Variants in HPSE2 observed in about 807,000 individuals in gnomAD.
HPSE2 encodes inactive heparanase-2.
A neutral mutation model predicts 60.5 loss-of-function variants in HPSE2; 38 were observed. The observed-to-expected ratio is 0.63, with a 90% confidence interval of 0.48 to 0.82. HPSE2 has a LOEUF of 0.82. Ranked by LOEUF, HPSE2 falls within the 40% of genes least tolerant of loss-of-function variation. The probability of loss-of-function intolerance (pLI) is 0.00; values close to 1 mark genes in which losing one functional copy is unlikely to be tolerated. For missense variants in HPSE2, 713 were observed against 740.4 expected, an observed-to-expected ratio of 0.96 and a Z score of 0.43; for synonymous variants, 295 against 293.2, an observed-to-expected ratio of 1.01 and a Z score of -0.06.
intron 9 of HPSE2, among the ~76,000 whole-genome samples, chr10:98,606,468 A>G (rs959094399): frequency 6.6e-6 from 1 of 152,238 alleles, no homozygotes; most frequent in African/African-American, 2.4e-5. Context: ...GGTGACTATA[A>G]TGTTCAGCCA....
chr10:98,702,318 T>C (rs567312177), intron 5 of HPSE2, among the ~76,000 whole-genome samples: 1 of 152,266 alleles, frequency 6.6e-6, no homozygotes, highest in African/African-American at 2.4e-5. Context: ...ATACAAGTTC[T>C]TAGAGACCTA....
intron 6 of HPSE2, among the ~76,000 whole-genome samples, chr10:98,674,217 A>C (rs1947578652): frequency 6.6e-6 from 1 of 152,258 alleles, no homozygotes; most frequent in African/African-American, 2.4e-5. Flanking sequence ...AGTATACTAC[A>C]CAAAACACTA....
At position 98,607,445 on chromosome 10, in the gene HPSE2, C is replaced by G. The variant is rs75687441; in HGVS notation, c.1320+7459G>C. 2.8e-3 allele frequency among the ~76,000 whole-genome samples: 422 copies of G among 152,258 alleles called. 1 individual carries two copies. Among genetic ancestry groups the G allele is most frequent in the African/African-American group, 9.8e-3 (406 of 41,538 alleles). Reference sequence around the variant, plus strand: ...TGTGCTGTCATTAGCACTTTGATGTCACATATCATGGTTTCCAGGGCTTAT... The same window carrying G: ...TGTGCTGTCATTAGCACTTTGATGTGACATATCATGGTTTCCAGGGCTTAT... On this transcript the variant is annotated intron_variant, in intron 9 of 11. Transcript: ENST00000370552.
intron 3 of HPSE2, among the ~76,000 whole-genome samples, chr10:99,101,493 T>G (rs1226081278): frequency 2.0e-5 from 3 of 152,066 alleles, no homozygotes; most frequent in African/African-American, 7.2e-5. Flanking sequence ...ACAAAGCAAG[T>G]CCTTAGAGAC....
At chr10:99,184,863 G>GAGAGAGAGAGAGAC (rs796284708) in intron 2 of HPSE2, among the ~76,000 whole-genome samples, 1 of 106,490 alleles carries the variant, frequency 9.4e-6, no homozygotes, top group East Asian at 3.3e-4. Flanking sequence ...GAGAGAGAGA[G>GAGAGAGAGAGAGAC]ACAGAAACAC....
chr10:98,788,435 G>GAGGC (rs1319867560), intron 3 of HPSE2, among the ~76,000 whole-genome samples: 1 of 122,002 alleles, frequency 8.2e-6, no homozygotes, highest in Non-Finnish European at 1.8e-5. Context: ...GGAGCCTACA[G>GAGGC]AGGCAGGCAG....
At chr10:98,696,099 A>G (rs574525997) in intron 5 of HPSE2, among the ~76,000 whole-genome samples, 8 of 152,142 alleles carry the variant, frequency 5.3e-5, no homozygotes, top group Non-Finnish European at 5.9e-5. Flanking sequence ...CCTCCTTCTC[A>G]GATATTCCAA....
chr10:98,970,153 G>T (rs1955915721), intron 3 of HPSE2, among the ~76,000 whole-genome samples: 1 of 152,062 alleles, frequency 6.6e-6, no homozygotes, highest in Admixed American at 6.5e-5. Context: ...GTAGAGATGG[G>T]GTTTCACCAC....
chr10:98,666,408 T>C (rs1947363401), intron 6 of HPSE2, among the ~76,000 whole-genome samples: 2 of 152,152 alleles, frequency 1.3e-5, no homozygotes, highest in Non-Finnish European at 2.9e-5. Context: ...AGTCTAGACT[T>C]ACATGCAATT....
At chr10:99,041,576 G>T (rs1298168965) in intron 3 of HPSE2, among the ~76,000 whole-genome samples, 1 of 152,116 alleles carries the variant, frequency 6.6e-6, no homozygotes, top group Non-Finnish European at 1.5e-5. Flanking sequence ...TTGGACTCCT[G>T]AACACCCCAG....
At chr10:98,872,205 G>A (rs924507040) in intron 3 of HPSE2, among the ~76,000 whole-genome samples, 1 of 151,996 alleles carries the variant, frequency 6.6e-6, no homozygotes, top group Non-Finnish European at 1.5e-5. Flanking sequence ...CCCTCACTAA[G>A]AAATGGAATA....
At chr10:99,186,068 C>A (rs898080137) in intron 2 of HPSE2, among the ~76,000 whole-genome samples, 4 of 136,216 alleles carry the variant, frequency 2.9e-5, no homozygotes, top group African/African-American at 1.1e-4. Flanking sequence ...ATGGCCAGAT[C>A]CAATAAACAC....
chr10:98,804,434 G>GA (rs1382807899), intron 3 of HPSE2, among the ~76,000 whole-genome samples: 1 of 151,734 alleles, frequency 6.6e-6, no homozygotes, highest in African/African-American at 2.4e-5. Flanking sequence ...AACTCTACAG[G>GA]AAAAAATCTA....
At chr10:98,752,958 A>G (rs1397111636) in intron 3 of HPSE2, among the ~76,000 whole-genome samples, 1 of 152,222 alleles carries the variant, frequency 6.6e-6, no homozygotes, top group Non-Finnish European at 1.5e-5. Flanking sequence ...CAAATACTGC[A>G]TGATTTTACT....
At position 98,743,940 on chromosome 10, in the gene HPSE2, T is replaced by A. The variant is rs188784527; in HGVS notation, c.727A>T (p.Ser243Cys). Residue 243 changes from serine (S) to cysteine (C), a missense_variant, in exon 4 of 12, where the codon AGT becomes TGT. Transcript: ENST00000370552. ...TTGCTGGCGCTGTACTTCAACAGACTCAGGGCACTAGAACTGTTCCAGGAG... is the reference window on the plus strand; with the variant it reads ...TTGCTGGCGCTGTACTTCAACAGACACAGGGCACTAGAACTGTTCCAGGAG... ...NNSWNSSSAL[S>C]LLKYSASKKY... is the part of the protein sequence containing the mutation. 206 of 1,614,086 alleles carry A rather than the reference T, an allele frequency of 1.3e-4. 1 individual carries two copies. In the East Asian group the frequency reaches 3.7e-3, roughly 29 times the overall value.
At chr10:99,271,170 C>A in the HPSE2 span, among the ~76,000 whole-genome samples, 2 of 152,100 alleles carry the variant, frequency 1.3e-5, no homozygotes, top group African/African-American at 4.8e-5. Flanking sequence ...AAAGGACATC[C>A]AAATCAGTAA....
chr10:98,972,851 C>T (rs892290451), intron 3 of HPSE2, among the ~76,000 whole-genome samples: 3 of 152,084 alleles, frequency 2.0e-5, no homozygotes, highest in Admixed American at 1.3e-4. Context: ...TGTAGTCTCA[C>T]GTTAATGTAG....
intron 9 of HPSE2, among the ~76,000 whole-genome samples, chr10:98,554,446 A>G (rs1943947142): frequency 6.6e-6 from 1 of 152,122 alleles, no homozygotes; most frequent in South Asian, 2.1e-4. Flanking sequence ...GATTTCTTGC[A>G]TTGCTGTGTC....
intron 9 of HPSE2, among the ~76,000 whole-genome samples, chr10:98,580,443 T>A (rs1374972454): frequency 6.6e-6 from 1 of 152,170 alleles, no homozygotes; most frequent in Non-Finnish European, 1.5e-5. Flanking sequence ...ATTTTGTATC[T>A]TTTTGTTTTT....
Sources: allele counts gnomAD v4.1 joint callset (sites outside exome capture counted in the v4.1 genomes callset), GRCh38; gene constraint gnomAD v4.1.1; transcripts MANE v1.5; gene names NCBI Gene and HGNC (gene_info 2026-07-23, HGNC 2026-07-21).